The following SH3PXD2A variants were observed in gnomAD, a reference collection of about 807,000 sequenced individuals.
SH3PXD2A encodes the protein SH3 and PX domain-containing protein 2A.
Under a neutral mutation model 115.2 loss-of-function variants are expected in SH3PXD2A, and 32 were observed. That is an observed-to-expected ratio of 0.28 (90% CI 0.21 to 0.37). The LOEUF (loss-of-function observed/expected upper bound fraction) is 0.37, where lower values mean the gene tolerates loss of function less well. SH3PXD2A is among the 10% of genes least tolerant of loss of function. SH3PXD2A has a pLI of 1.00. For synonymous variants in SH3PXD2A, 610 were observed against 629.1 expected (o/e 0.97, Z 0.45); for missense variants, 1,328 against 1,498.7 (o/e 0.89, Z 1.88).
At chr10:103,799,758 A>G (rs1426717486) in intron 2 of SH3PXD2A, among the ~76,000 whole-genome samples, 2 of 152,202 alleles carry the variant, frequency 1.3e-5, no homozygotes, top group Non-Finnish European at 2.9e-5. Flanking sequence ...AGCACACTGC[A>G]CCCATTGATG....
At chr10:103,687,449 G>A (rs2037693008) in intron 6 of SH3PXD2A, among the ~76,000 whole-genome samples, 2 of 152,156 alleles carry the variant, frequency 1.3e-5, no homozygotes, top group African/African-American at 2.4e-5. Context: ...CGGCCTAAGA[G>A]TGGGACCCCA....
chr10:103,621,821 G>T (rs2036608705), intron 10 of SH3PXD2A, among the ~76,000 whole-genome samples: 1 of 152,228 alleles, frequency 6.6e-6, no homozygotes, highest in African/African-American at 2.4e-5. Context: ...GGGCCTGGGG[G>T]GCTCCCTGGA....
intron 1 of SH3PXD2A, among the ~76,000 whole-genome samples, chr10:103,817,077 T>G (rs2039331845): frequency 6.6e-6 from 1 of 151,276 alleles, no homozygotes; most frequent in African/African-American, 2.4e-5. Context: ...CTTGAACTCT[T>G]GACCTCAGAC....
At chr10:103,815,956 T>A (rs2039320108) in intron 1 of SH3PXD2A, among the ~76,000 whole-genome samples, 1 of 150,622 alleles carries the variant, frequency 6.6e-6, no homozygotes, top group Admixed American at 6.6e-5. Context: ...TAGAGCCAAA[T>A]ATATAGAAGC....
At chr10:103,773,805 C>T (rs1378738201) in intron 2 of SH3PXD2A, among the ~76,000 whole-genome samples, 4 of 152,094 alleles carry the variant, frequency 2.6e-5, no homozygotes, top group Non-Finnish European at 5.9e-5. Context: ...GTGGCACAAT[C>T]CCAGCTCACT....
At chr10:103,778,546 C>A (rs1490308242) in intron 2 of SH3PXD2A, among the ~76,000 whole-genome samples, 4 of 152,180 alleles carry the variant, frequency 2.6e-5, no homozygotes, top group Non-Finnish European at 5.9e-5. Flanking sequence ...TCTTTGTGAC[C>A]CCATTTTCTC....
intron 3 of SH3PXD2A, among the ~76,000 whole-genome samples, chr10:103,736,330 T>C (rs2038380457): frequency 6.6e-6 from 1 of 152,236 alleles, no homozygotes; most frequent in African/African-American, 2.4e-5. Flanking sequence ...GACTCTTCCC[T>C]GGCCTCGCTG....
intron 1 of SH3PXD2A, among the ~76,000 whole-genome samples, chr10:103,847,780 A>T (rs575948909): frequency 1.3e-5 from 2 of 152,248 alleles, no homozygotes; most frequent in South Asian, 2.1e-4. Context: ...CTCTACTAAG[A>T]ATACAAAAAT....
chr10:103,699,967 A>G (rs1471879725), intron 5 of SH3PXD2A, among the ~76,000 whole-genome samples: 2 of 152,220 alleles, frequency 1.3e-5, no homozygotes, highest in African/African-American at 4.8e-5. Context: ...GAGAGGCCAG[A>G]TGCTATGGCC....
intron 4 of SH3PXD2A, among the ~76,000 whole-genome samples, chr10:103,730,232 CTT>C (rs67561170): frequency 0.14 from 17,023 of 118,140 alleles, 983 homozygotes; most frequent in East Asian, 0.31. Context: ...TTTCTCGTTT[CTT>C]TTTTTTTTTT....
At chr10:103,622,695 A>C (rs981285540) in intron 9 of SH3PXD2A, 142 bp from the exon 10 acceptor site, 2 of 641,958 alleles carry the variant, frequency 3.1e-6, no homozygotes, top group African/African-American at 3.6e-5. Context: ...ACCTGGACTG[A>C]ACCAAAGGGC....
chr10:103,776,022 T>C (rs2038874527), intron 2 of SH3PXD2A, among the ~76,000 whole-genome samples: 1 of 152,148 alleles, frequency 6.6e-6, no homozygotes, highest in South Asian at 2.1e-4. Context: ...GAGCATCTGT[T>C]TCCTTGCCTT....
chr10:103,726,543 C>A (rs532484848), intron 4 of SH3PXD2A, among the ~76,000 whole-genome samples: 1 of 152,236 alleles, frequency 6.6e-6, no homozygotes, highest in South Asian at 2.1e-4. Flanking sequence ...TAGTAGAGTA[C>A]CTGACAGAGC....
chr10:103,667,865 C>T (rs1034085640), intron 7 of SH3PXD2A, among the ~76,000 whole-genome samples: 2 of 152,206 alleles, frequency 1.3e-5, no homozygotes, highest in Non-Finnish European at 2.9e-5. Flanking sequence ...AGCTGAGAAC[C>T]CTGCTGTCCG....
intron 4 of SH3PXD2A, among the ~76,000 whole-genome samples, 168 bp downstream of exon 4, chr10:103,735,564 C>T (rs1487965276): frequency 5.9e-5 from 9 of 152,168 alleles, no homozygotes; most frequent in Admixed American, 5.9e-4. Context: ...CAGAGGGTGG[C>T]CCAGCTACGG....
At chr10:103,843,289 C>T (rs919661235) in intron 1 of SH3PXD2A, among the ~76,000 whole-genome samples, 2 of 152,186 alleles carry the variant, frequency 1.3e-5, no homozygotes, top group Non-Finnish European at 2.9e-5. Flanking sequence ...ATCCTCTTGC[C>T]CTCAACTTCC....
chr10:103,795,982 A>T (rs2039084521), intron 2 of SH3PXD2A, among the ~76,000 whole-genome samples: 1 of 151,628 alleles, frequency 6.6e-6, no homozygotes, highest in Admixed American at 6.6e-5. Flanking sequence ...TTACCCTGAT[A>T]AGAATTCTCA....
intron 5 of SH3PXD2A, among the ~76,000 whole-genome samples, chr10:103,709,390 T>C (rs1471073036): frequency 1.3e-5 from 2 of 152,186 alleles, no homozygotes; most frequent in Non-Finnish European, 2.9e-5. Context: ...GGATGATGTC[T>C]GGGGAACTGA....
In SH3PXD2A at chr10:103,636,134, C is replaced by T. The variant is rs146230849; in HGVS notation, c.605-8932G>A. 3.9e-5 allele frequency among the ~76,000 whole-genome samples: 6 copies of T among 152,170 alleles called. No homozygotes were observed. The East Asian group carries it at 7.7e-4, about 20-fold the overall frequency. On this transcript the variant is annotated intron_variant, in intron 8 of 14. Coordinates refer to ENST00000369774, the MANE Select transcript of SH3PXD2A (RefSeq NM_001394015.1). The stretch of plus-strand genomic sequence containing the variant: ...GGGAAAGAGTAGAGATGAAGCTGGG[C>T]GCGGTGGCTCAGGCCTGTAATCCCA...
Sources: gnomAD v4.1 joint callset for allele counts (sites outside exome capture counted in the v4.1 genomes callset) on GRCh38, gnomAD v4.1.1 for gene constraint, MANE v1.5 for transcripts, NCBI Gene and HGNC (gene_info 2026-07-23, HGNC 2026-07-21) for gene names.